Variants in STK32B observed in about 807,000 individuals in gnomAD.
The protein encoded by STK32B is serine/threonine kinase 32B.
Under a neutral mutation model 52.6 loss-of-function variants are expected in STK32B, and 43 were observed. That is an observed-to-expected ratio of 0.82 (90% CI 0.64 to 1.05). STK32B has a LOEUF of 1.05. STK32B is among the 50% of genes least tolerant of loss of function. The pLI, the probability that STK32B is intolerant of heterozygous loss-of-function variation, is 0.00. For missense variants in STK32B, 621 were observed against 534.6 expected, an observed-to-expected ratio of 1.16 and a Z score of -1.59; for synonymous variants, 238 against 204.3, an observed-to-expected ratio of 1.17 and a Z score of -1.41.
intron 3 of STK32B, among the ~76,000 whole-genome samples, chr4:5,267,247 G>C (rs928329092): frequency 2.6e-5 from 4 of 152,194 alleles, no homozygotes; most frequent in Non-Finnish European, 5.9e-5. Context: ...GTCCATTATA[G>C]CTGAGTCAGG....
At chr4:5,310,234 A>G (rs1217158240) in intron 3 of STK32B, among the ~76,000 whole-genome samples, 2 of 152,172 alleles carry the variant, frequency 1.3e-5, no homozygotes, top group African/African-American at 2.4e-5. Context: ...GAAACAATCA[A>G]CAGAGTAAAT....
intron 3 of STK32B, among the ~76,000 whole-genome samples, chr4:5,292,508 T>A (rs1343898712): frequency 2.0e-5 from 3 of 152,088 alleles, no homozygotes; most frequent in African/African-American, 4.8e-5. Context: ...TCTTGTTGAT[T>A]TGTTTCAGTT....
chr4:5,293,346 A>C (rs1729003829), intron 3 of STK32B, among the ~76,000 whole-genome samples: 1 of 152,032 alleles, frequency 6.6e-6, no homozygotes, highest in African/African-American at 2.4e-5. Flanking sequence ...TTGGTTCTAG[A>C]TCCTTCAGGA....
intron 3 of STK32B, among the ~76,000 whole-genome samples, chr4:5,244,134 G>C (rs563771926): frequency 6.6e-6 from 1 of 152,252 alleles, no homozygotes; most frequent in East Asian, 1.9e-4. Context: ...CTATTGATTG[G>C]AATAGTTTCA....
At chr4:5,147,929 A>C (rs1717041324) in intron 2 of STK32B, among the ~76,000 whole-genome samples, 2 of 151,930 alleles carry the variant, frequency 1.3e-5, no homozygotes, top group Non-Finnish European at 2.9e-5. Context: ...AAATGAGTTC[A>C]GTCATTTTCC....
chr4:5,109,569 A>C (rs1714283056), intron 1 of STK32B, among the ~76,000 whole-genome samples: 1 of 152,240 alleles, frequency 6.6e-6, no homozygotes, highest in Non-Finnish European at 1.5e-5. Context: ...TGGATTTTAT[A>C]AAATCCAGCA....
intron 3 of STK32B, among the ~76,000 whole-genome samples, chr4:5,228,932 A>G (rs1724056060): frequency 6.6e-6 from 1 of 152,034 alleles, no homozygotes; most frequent in Non-Finnish European, 1.5e-5. Flanking sequence ...CTGCCATTGC[A>G]CTCCAGCTTG....
chr4:5,109,371 T>C (rs944232409), intron 1 of STK32B, among the ~76,000 whole-genome samples: 1 of 152,228 alleles, frequency 6.6e-6, no homozygotes, highest in Non-Finnish European at 1.5e-5. Flanking sequence ...GGACGAATGC[T>C]CTTGCTGAAG....
chr4:5,353,135 T>C (rs1304935887), intron 4 of STK32B, among the ~76,000 whole-genome samples: 4 of 152,120 alleles, frequency 2.6e-5, no homozygotes, highest in Admixed American at 6.5e-5. Context: ...TTGACCAAGA[T>C]GCCAAGAACG....
intron 1 of STK32B, among the ~76,000 whole-genome samples, chr4:5,053,730 C>G (rs956083730): frequency 1.3e-5 from 2 of 152,112 alleles, no homozygotes; most frequent in African/African-American, 4.8e-5. Flanking sequence ...TGCCTGTAAT[C>G]CCAGTACTTT....
chr4:5,208,795 T>G (rs1722732361), intron 3 of STK32B, among the ~76,000 whole-genome samples: 1 of 152,210 alleles, frequency 6.6e-6, no homozygotes, highest in South Asian at 2.1e-4. Context: ...TTAATTTGGG[T>G]AAATCCATTC....
At chr4:5,352,146 A>T (rs1733868491) in intron 4 of STK32B, among the ~76,000 whole-genome samples, 3 of 152,100 alleles carry the variant, frequency 2.0e-5, no homozygotes, top group Admixed American at 2.0e-4. Flanking sequence ...ACAGCAACAA[A>T]AGAAAAGTAT....
At chr4:5,181,830 A>G (rs2108753877) in intron 3 of STK32B, among the ~76,000 whole-genome samples, 1 of 152,326 alleles carries the variant, frequency 6.6e-6, no homozygotes, top group South Asian at 2.1e-4. Context: ...CAGAGCAGTG[A>G]TTGCTGTGGC....
intron 11 of STK32B, among the ~76,000 whole-genome samples, chr4:5,492,237 T>C (rs940249445): frequency 1.1e-4 from 16 of 152,220 alleles, no homozygotes; most frequent in African/African-American, 2.4e-5. Context: ...CATTTCTTTG[T>C]ATCCTCTTTT....
intron 11 of STK32B, among the ~76,000 whole-genome samples, chr4:5,495,459 T>G (rs1720145706): frequency 1.3e-5 from 2 of 152,216 alleles, no homozygotes. Flanking sequence ...CTATTGGTTA[T>G]TCTAGTTATA....
intron 11 of STK32B, among the ~76,000 whole-genome samples, chr4:5,487,371 G>A (rs1719312811): frequency 6.6e-6 from 1 of 152,198 alleles, no homozygotes; most frequent in African/African-American, 2.4e-5. Flanking sequence ...AAAGATTGGA[G>A]AGGCAGTAAG....
chr4:5,456,758 C>G lies in STK32B; in HGVS notation c.667-49C>G, dbSNP rs1383666227. Reference sequence around the variant, plus strand: ...ATACAATCTTAAAATGCGGACGGTGCCTTCCAATGGCTCTCTCTCTGATTC... The same window carrying G: ...ATACAATCTTAAAATGCGGACGGTGGCTTCCAATGGCTCTCTCTCTGATTC... On this transcript the variant is annotated intron_variant, in intron 7 of 11. Coordinates refer to ENST00000282908, the MANE Select transcript of STK32B (RefSeq NM_018401.3). 10 of 1,462,254 alleles carry G rather than the reference C, an allele frequency of 6.8e-6. No homozygotes were observed. The East Asian group carries it at 2.4e-4, about 35-fold the overall frequency. 90.6% of individuals were successfully genotyped at this position (1,462,254 alleles called of 1,614,324 possible).
intron 2 of STK32B, among the ~76,000 whole-genome samples, chr4:5,152,916 T>A (rs1241714037): frequency 6.6e-6 from 1 of 152,204 alleles, no homozygotes; most frequent in African/African-American, 2.4e-5. Context: ...ATTTGCCACC[T>A]AAAGAGTCCT....
At chr4:5,275,973 G>A (rs1727795028) in intron 3 of STK32B, among the ~76,000 whole-genome samples, 2 of 152,116 alleles carry the variant, frequency 1.3e-5, no homozygotes, top group South Asian at 4.1e-4. Flanking sequence ...AACAAGATAA[G>A]AGCACAGCCA....
Sources: gnomAD v4.1 joint callset for allele counts (sites outside exome capture counted in the v4.1 genomes callset) on GRCh38, gnomAD v4.1.1 for gene constraint, MANE v1.5 for transcripts, NCBI Gene and HGNC (gene_info 2026-07-23, HGNC 2026-07-21) for gene names.